Variants in HHIPL1 observed in about 807,000 individuals in gnomAD.
HHIPL1 encodes HHIP-like protein 1.
HHIPL1 carries 43 observed loss-of-function variants against 61.8 expected under a neutral mutation model. The observed-to-expected ratio is 0.70, with a 90% CI of 0.55 to 0.90. HHIPL1 has a LOEUF of 0.90. Ranked by LOEUF, HHIPL1 falls within the 40% of genes least tolerant of loss-of-function variation. HHIPL1 has a pLI of 0.00. For missense variants in HHIPL1, 1,056 were observed against 1,157.7 expected, an observed-to-expected ratio of 0.91 and a Z score of 1.28; for synonymous variants, 482 against 515.8, an observed-to-expected ratio of 0.93 and a Z score of 0.89.
At chr14:99,661,475 T>A (rs1373596086) in intron 5 of HHIPL1, among the ~76,000 whole-genome samples, 1 of 99,242 alleles carries the variant, frequency 1.0e-5, no homozygotes, top group Non-Finnish European at 2.1e-5. Flanking sequence ...ATATGGTGAT[T>A]TTTTTTTTTT....
the HHIPL1 span, among the ~76,000 whole-genome samples, chr14:99,635,717 C>T: frequency 3.5e-4 from 54 of 152,328 alleles, no homozygotes; most frequent in African/African-American, 1.3e-3. Flanking sequence ...AGACACAAGG[C>T]AGTCCAGGCC....
chr14:99,652,515 C>T lies in HHIPL1; in HGVS notation c.547C>T (p.Gln183Ter), dbSNP rs2055951274. Residue 183 changes from glutamine to a stop codon, truncating the protein, a stop_gained, in exon 2 of 9, where the codon CAG becomes TAG. Transcript: ENST00000330710. LOFTEE classifies it high-confidence loss of function. ...GGTAGCCGATGCCAAGGGCTGCCTG[C>T]AGCTGTGCCTGGAGGAGGTGGCCAA... ...HVVADAKGCL[Q>*]LCLEEVANGL... The T allele has an allele frequency of 6.2e-6, 10 of 1,613,636 alleles. No individual in the cohort carries two copies. In the South Asian group the frequency reaches 7.7e-5, roughly 12 times the overall value.
intron 2 of HHIPL1, among the ~76,000 whole-genome samples, chr14:99,654,921 TAA>T (rs1328672806): frequency 6.6e-6 from 1 of 152,152 alleles, no homozygotes; most frequent in Non-Finnish European, 1.5e-5. Flanking sequence ...GGATTCCTGA[TAA>T]AGACTTGAGG....
chr14:99,629,734 C>T, the HHIPL1 span, among the ~76,000 whole-genome samples: 4 of 152,144 alleles, frequency 2.6e-5, no homozygotes, highest in Admixed American at 2.6e-4. Context: ...AACTCTTGAC[C>T]TCAGGTGATC....
Position 99,659,400 on chromosome 14 carries a change from G to A in HHIPL1, c.1047-28G>A, listed in dbSNP as rs578008994. Reference sequence around the variant, plus strand: ...GAGCCCTGGCTCAGGGCGACCCCGAGCCGCGCCCTCTCCCACCCCGCCCGC... The same window carrying A: ...GAGCCCTGGCTCAGGGCGACCCCGAACCGCGCCCTCTCCCACCCCGCCCGC... On this transcript the variant is annotated intron_variant, in intron 3 of 8. Coordinates refer to ENST00000330710, the MANE Select transcript of HHIPL1 (RefSeq NM_001127258.3). 1.5e-4 allele frequency: 204 copies of A among 1,399,732 alleles called. No individual in the cohort carries two copies. In the African/African-American group the frequency reaches 2.9e-3, roughly 20 times the overall value. 86.7% of individuals were successfully genotyped at this position (1,399,732 alleles called of 1,614,324 possible). A position where few individuals can be genotyped will look rare whatever the true frequency, so the allele number is the denominator to read the frequency against.
At chr14:99,606,958 A>G in the HHIPL1 span, among the ~76,000 whole-genome samples, 2 of 148,364 alleles carry the variant, frequency 1.3e-5, no homozygotes, top group Non-Finnish European at 3.0e-5. Flanking sequence ...AGTAGGTGCC[A>G]TGCCCCCTGG....
At chr14:99,649,983 C>T (rs12881164) in intron 1 of HHIPL1, among the ~76,000 whole-genome samples, 148,712 of 152,322 alleles carry the variant, frequency 0.98, 72,696 homozygotes, top group Middle Eastern at 1. Flanking sequence ...GGCCTGCTCA[C>T]TGGCAGAGGG....
Position 99,679,899 on chromosome 14 carries a change from A to G in HHIPL1, c.*4273A>G, listed in dbSNP as rs182098126. 3 of 152,382 alleles carry G rather than the reference A, an allele frequency of 2.0e-5. No individual in the cohort carries two copies. Among genetic ancestry groups the G allele is most frequent in the African/African-American group, 7.2e-5 (3 of 41,568 alleles). The allele number at this position is 152,382 out of a possible 1,614,324, so 9.4% of individuals were successfully genotyped here. On this transcript the variant is annotated 3_prime_UTR_variant, in exon 9 of 9. Transcript: ENST00000330710. The stretch of plus-strand genomic sequence containing the variant: ...GAAGAAAGAGCTCCTTCAGCCTAAC[A>G]TGTAGAACTCAAGTCTTCTTGTCGC...
At chr14:99,605,055 G>A in the HHIPL1 span, among the ~76,000 whole-genome samples, 1 of 152,198 alleles carries the variant, frequency 6.6e-6, no homozygotes, top group Non-Finnish European at 1.5e-5. Flanking sequence ...AGTACTCTCT[G>A]CCCCGATGGG....
At chr14:99,654,182 CTG>C (rs1224698457) in intron 2 of HHIPL1, among the ~76,000 whole-genome samples, 1 of 108,404 alleles carries the variant, frequency 9.2e-6, no homozygotes, top group Non-Finnish European at 1.8e-5. Context: ...GAGCAAGACT[CTG>C]TCTCAAAAAA....
intron 6 of HHIPL1, among the ~76,000 whole-genome samples, chr14:99,663,523 T>G (rs193285919): frequency 9.8e-5 from 15 of 152,328 alleles, no homozygotes; most frequent in Admixed American, 3.9e-4. Flanking sequence ...TTAGCCGGCT[T>G]CTTTACTGCA....
intron 1 of HHIPL1, 142 bp downstream of exon 1, chr14:99,645,604 C>A: frequency 2.1e-6 from 2 of 935,608 alleles, no homozygotes; most frequent in Non-Finnish European, 2.8e-6. Flanking sequence ...TCATTTGGCA[C>A]GGGGCGGGGA....
At chr14:99,637,892 G>T in the HHIPL1 span, among the ~76,000 whole-genome samples, 1 of 152,198 alleles carries the variant, frequency 6.6e-6, no homozygotes, top group African/African-American at 2.4e-5. Context: ...AGGCCACACA[G>T]TTGGTAAGTT....
Position 99,679,751 on chromosome 14 carries a change from C to T in HHIPL1, c.*4125C>T, listed in dbSNP as rs1157474770. The T allele has an allele frequency of 6.6e-6, 1 of 152,264 alleles. No homozygotes were observed. Among genetic ancestry groups the T allele is most frequent in the African/African-American group, 2.4e-5 (1 of 41,460 alleles). 9.4% of individuals were successfully genotyped at this position (152,264 alleles called of 1,614,324 possible). A position where few individuals can be genotyped will look rare whatever the true frequency, so the allele number is the denominator to read the frequency against. On this transcript the variant is annotated 3_prime_UTR_variant, in exon 9 of 9. Coordinates refer to ENST00000330710, the MANE Select transcript of HHIPL1 (RefSeq NM_001127258.3). The stretch of plus-strand genomic sequence containing the variant: ...TCTAGGTTGCTTCCTAGACAGAAAG[C>T]TCAGTTCGAGGCTGGTGGCATCCAT...
Position 99,645,499 on chromosome 14 carries a change from C to T in HHIPL1, c.255+37C>T, listed in dbSNP as rs933986784. 9.5e-6 allele frequency: 12 copies of T among 1,258,408 alleles called. No individual in the cohort carries two copies. The African/African-American group carries it at 1.9e-4, about 20-fold the overall frequency. The allele number at this position is 1,258,408 out of a possible 1,614,324, so 78.0% of individuals were successfully genotyped here. ...CGCGGCCACCGGGCGGGGCGGGGCGCGGGAGGCCGAGTCCTGGAGCAGAGA... is the reference window on the plus strand; with the variant it reads ...CGCGGCCACCGGGCGGGGCGGGGCGTGGGAGGCCGAGTCCTGGAGCAGAGA... On this transcript the variant is annotated intron_variant, in intron 1 of 8. Transcript: ENST00000330710.
the HHIPL1 span, among the ~76,000 whole-genome samples, chr14:99,640,072 A>G: frequency 7.9e-5 from 12 of 152,340 alleles, no homozygotes; most frequent in African/African-American, 1.2e-4. Context: ...TACAATATGT[A>G]TAACTCTTTT....
At chr14:99,673,378 G>C (rs1362213253) in intron 8 of HHIPL1, among the ~76,000 whole-genome samples, 1 of 151,046 alleles carries the variant, frequency 6.6e-6, no homozygotes, top group Non-Finnish European at 1.5e-5. Flanking sequence ...ACAGTGAGAA[G>C]TCAGACTAGG....
At chr14:99,626,827 T>G in the HHIPL1 span, among the ~76,000 whole-genome samples, 1 of 152,088 alleles carries the variant, frequency 6.6e-6, no homozygotes, top group Admixed American at 6.5e-5. Flanking sequence ...TCCTCTGCGC[T>G]CCCCTCTCCT....
intron 2 of HHIPL1, among the ~76,000 whole-genome samples, chr14:99,654,477 A>G (rs1352139651): frequency 2.0e-5 from 3 of 152,218 alleles, no homozygotes; most frequent in Non-Finnish European, 4.4e-5. Flanking sequence ...GGCTCCTGCC[A>G]ATGCTGTCCA....
Sources: allele counts gnomAD v4.1 joint callset (sites outside exome capture counted in the v4.1 genomes callset), GRCh38; gene constraint gnomAD v4.1.1; transcripts MANE v1.5; gene names NCBI Gene and HGNC (gene_info 2026-07-23, HGNC 2026-07-21).